The following JMY variants were observed in gnomAD, a reference collection of about 807,000 sequenced individuals.
JMY encodes junction mediating and regulatory protein, p53 cofactor.
A neutral mutation model predicts 103.3 loss-of-function variants in JMY; 46 were observed. The observed-to-expected ratio is 0.45, with a 90% CI of 0.35 to 0.57. JMY has a LOEUF of 0.57. JMY is among the 20% of genes least tolerant of loss of function. JMY has a pLI of 0.00. For missense variants in JMY, 1,238 were observed against 1,255.2 expected (o/e 0.99, Z 0.21); for synonymous variants, 526 against 489.3 (o/e 1.07, Z -0.99).
chr5:79,272,632 A>C (rs945303666), intron 1 of JMY, among the ~76,000 whole-genome samples: 4 of 152,096 alleles, frequency 2.6e-5, no homozygotes, highest in African/African-American at 7.2e-5. Flanking sequence ...TTAATATTGT[A>C]CCACTTCATC....
At chr5:79,275,317 C>T (rs984919121) in intron 1 of JMY, among the ~76,000 whole-genome samples, 24 of 152,192 alleles carry the variant, frequency 1.6e-4, no homozygotes, top group Admixed American at 2.6e-4. Context: ...CCCGCCACCA[C>T]GCCTGGCTAA....
chr5:79,280,667 ATT>A (rs1746078512), intron 2 of JMY, among the ~76,000 whole-genome samples: 1 of 152,214 alleles, frequency 6.6e-6, no homozygotes, highest in Non-Finnish European at 1.5e-5. Flanking sequence ...AGTGTGTTGT[ATT>A]GCTTTAAAAA....
chr5:79,285,709 T>C (rs1746248353), intron 2 of JMY, among the ~76,000 whole-genome samples: 2 of 152,204 alleles, frequency 1.3e-5, no homozygotes, highest in East Asian at 3.8e-4. Context: ...TTCAGGCAAC[T>C]CCAGGGTCTG....
At chr5:79,306,647 C>T (rs1212559143) in intron 7 of JMY, among the ~76,000 whole-genome samples, 186 bp downstream of exon 7, 1 of 152,126 alleles carries the variant, frequency 6.6e-6, no homozygotes, top group Non-Finnish European at 1.5e-5. Context: ...TCAACCCGCA[C>T]ACGTAGCCTC....
intron 2 of JMY, among the ~76,000 whole-genome samples, chr5:79,282,794 T>C (rs1255490814): frequency 6.6e-6 from 1 of 152,096 alleles, no homozygotes; most frequent in East Asian, 1.9e-4. Context: ...AGTAGCGTGG[T>C]TGGGATTGAA....
At chr5:79,309,584 G>A (rs1746985077) in intron 7 of JMY, among the ~76,000 whole-genome samples, 1 of 152,000 alleles carries the variant, frequency 6.6e-6, no homozygotes, top group Non-Finnish European at 1.5e-5. Flanking sequence ...AAAATTTTCT[G>A]TCTTTAGCAT....
At chr5:79,260,067 T>C (rs1745374717) in intron 1 of JMY, among the ~76,000 whole-genome samples, 1 of 152,184 alleles carries the variant, frequency 6.6e-6, no homozygotes, top group Admixed American at 6.5e-5. Flanking sequence ...CATTGCAGTG[T>C]CTCCCAGGAC....
chr5:79,306,483 T>C, intron 7 of JMY, 22 bp downstream of exon 7: 1 of 1,551,948 alleles, frequency 6.4e-7, no homozygotes, highest in Non-Finnish European at 8.9e-7. Context: ...TTCGAAGATT[T>C]TGAACAAAAC....
In JMY at chr5:79,291,053, G is replaced by A. The variant is rs140671310; in HGVS notation, c.1358-77G>A. ...AGCAGGATTTGTTTCTCTTTGTGTG[G>A]TCAGTGAAATCTTTTTCAAATGCTT... On this transcript the variant is annotated intron_variant, in intron 3 of 10. Coordinates refer to ENST00000396137, the MANE Select transcript of JMY (RefSeq NM_152405.5). 12 of 990,758 alleles carry A rather than the reference G, an allele frequency of 1.2e-5. No homozygotes were observed. The East Asian group carries it at 3.1e-4, about 25-fold the overall frequency. 61.4% of individuals were successfully genotyped at this position (990,758 alleles called of 1,614,324 possible).
At chr5:79,255,184 C>T (rs1580333077) in intron 1 of JMY, among the ~76,000 whole-genome samples, 1 of 146,358 alleles carries the variant, frequency 6.8e-6, no homozygotes, top group African/African-American at 2.5e-5. Flanking sequence ...GCAACTTCCA[C>T]CTCCCAGGTT....
chr5:79,272,675 C>G (rs1377285235), intron 1 of JMY, among the ~76,000 whole-genome samples: 1 of 152,068 alleles, frequency 6.6e-6, no homozygotes, highest in Non-Finnish European at 1.5e-5. Context: ...GTTCTTTCTC[C>G]CAGGTTAGAG....
chr5:79,311,138 A>G (rs1242427592), intron 7 of JMY, among the ~76,000 whole-genome samples: 1 of 137,838 alleles, frequency 7.3e-6, no homozygotes, highest in African/African-American at 2.8e-5. Context: ...AAATTAGCCT[A>G]CCACACCTTC....
At chr5:79,274,108 A>C (rs543800621) in intron 1 of JMY, among the ~76,000 whole-genome samples, 5 of 150,544 alleles carry the variant, frequency 3.3e-5, no homozygotes, top group African/African-American at 4.9e-5. Flanking sequence ...GGATTACAGG[A>C]GTGAACCACC....
chr5:79,268,112 G>A (rs1745636736), intron 1 of JMY, among the ~76,000 whole-genome samples: 1 of 152,144 alleles, frequency 6.6e-6, no homozygotes, highest in African/African-American at 2.4e-5. Context: ...GTGTGGTGGT[G>A]CGCACCTGTA....
At chr5:79,314,161 A>G (rs1056698370) in intron 8 of JMY, 96 bp from the exon 9 acceptor site, 35 of 1,510,674 alleles carry the variant, frequency 2.3e-5, no homozygotes, top group Non-Finnish European at 2.9e-5. Flanking sequence ...ACCCGGCCAC[A>G]TAACATCTTT....
intron 4 of JMY, among the ~76,000 whole-genome samples, chr5:79,293,851 C>G (rs937704678): frequency 5.3e-5 from 8 of 152,068 alleles, no homozygotes; most frequent in African/African-American, 1.9e-4. Flanking sequence ...ATAGTATACT[C>G]CCCATCTAGA....
chr5:79,270,557 CATAAATAT>C, intron 1 of JMY, among the ~76,000 whole-genome samples: 1 of 127,984 alleles, frequency 7.8e-6, no homozygotes, highest in East Asian at 2.1e-4. Context: ...TGTATATTTA[CATAAATAT>C]TTAAAATGTA....
rs543455630 is a variant in JMY at position 79,294,075 on chromosome 5, A to G, written c.1527+2776A>G. Among the ~76,000 whole-genome samples the G allele has an allele frequency of 4.6e-5, 7 of 152,344 alleles. No homozygotes were observed. In the South Asian group the frequency reaches 1.4e-3, roughly 32 times the overall value. On this transcript the variant is annotated intron_variant, in intron 4 of 10. Coordinates refer to ENST00000396137, the MANE Select transcript of JMY (RefSeq NM_152405.5). The stretch of plus-strand genomic sequence containing the variant: ...GTTGAAATAAGGAGATTTTCTATAT[A>G]GTTATTAATTGAAATAGATGATGAT...
chr5:79,265,935 A>G (rs1306908011), intron 1 of JMY, among the ~76,000 whole-genome samples: 2 of 151,982 alleles, frequency 1.3e-5, no homozygotes, highest in Non-Finnish European at 2.9e-5. Context: ...CATATGCGCC[A>G]CCACACTCGG....
Sources: gnomAD v4.1 joint callset for allele counts (sites outside exome capture counted in the v4.1 genomes callset) on GRCh38, gnomAD v4.1.1 for gene constraint, MANE v1.5 for transcripts, NCBI Gene and HGNC (gene_info 2026-07-23, HGNC 2026-07-21) for gene names.